The following LINGO2 variants were observed in gnomAD, a reference collection of about 807,000 sequenced individuals.
LINGO2 encodes leucine-rich repeat and immunoglobulin-like domain-containing nogo receptor-interacting protein 2.
In LINGO2, 14 loss-of-function variants were observed where a neutral mutation model predicts 30.6. That is an observed-to-expected ratio of 0.46 (90% CI 0.30 to 0.72). LINGO2 has a LOEUF of 0.72. Among genes scored for constraint, LINGO2 ranks in the 30% least tolerant of loss-of-function variants. The pLI, the probability that LINGO2 is intolerant of heterozygous loss-of-function variation, is 0.07. For missense variants in LINGO2, 729 were observed against 751.7 expected (o/e 0.97, Z 0.35); for synonymous variants, 317 against 288.5 (o/e 1.10, Z -1.00).
At chr9:29,138,157 A>G in the LINGO2 span, among the ~76,000 whole-genome samples, 1 of 152,034 alleles carries the variant, frequency 6.6e-6, no homozygotes, top group Non-Finnish European at 1.5e-5. Context: ...ACTATATGAA[A>G]ATAAAACTCT....
chr9:28,043,785 C>A (rs1587754843), intron 4 of LINGO2, among the ~76,000 whole-genome samples: 1 of 152,272 alleles, frequency 6.6e-6, no homozygotes, highest in East Asian at 1.9e-4. Context: ...ATTTCATCTA[C>A]AATGATTTTG....
chr9:28,518,680 C>T (rs1266974389), intron 1 of LINGO2, among the ~76,000 whole-genome samples: 1 of 152,128 alleles, frequency 6.6e-6, no homozygotes, highest in East Asian at 1.9e-4. Context: ...AATTTAATTG[C>T]TTTTTCAAAA....
At chr9:27,961,908 A>G (rs539200974) in intron 5 of LINGO2, among the ~76,000 whole-genome samples, 2 of 152,282 alleles carry the variant, frequency 1.3e-5, no homozygotes, top group East Asian at 3.9e-4. Flanking sequence ...TCTTTTGACA[A>G]CTGGGTGAGA....
At chr9:28,066,046 G>A (rs1334924212) in intron 4 of LINGO2, among the ~76,000 whole-genome samples, 1 of 151,872 alleles carries the variant, frequency 6.6e-6, no homozygotes, top group Admixed American at 6.6e-5. Context: ...CCAAAAAAAA[G>A]CACATTAGAG....
chr9:28,790,616 G>C, the LINGO2 span, among the ~76,000 whole-genome samples: 3 of 151,658 alleles, frequency 2.0e-5, no homozygotes, highest in African/African-American at 7.3e-5. Flanking sequence ...TTACAGGCGT[G>C]AGCCACCACG....
At chr9:28,362,759 AC>A (rs573187480) in intron 3 of LINGO2, among the ~76,000 whole-genome samples, 42 of 152,222 alleles carry the variant, frequency 2.8e-4, no homozygotes, top group African/African-American at 7.2e-4. Context: ...GTGAGCCACC[AC>A]GCCCGACCCA....
At chr9:28,491,950 T>C (rs1282253182) in intron 1 of LINGO2, among the ~76,000 whole-genome samples, 2 of 152,216 alleles carry the variant, frequency 1.3e-5, no homozygotes, top group Admixed American at 1.3e-4. Flanking sequence ...AAAGGGTGTA[T>C]TATTTGTATT....
intron 1 of LINGO2, among the ~76,000 whole-genome samples, chr9:28,537,882 A>AC (rs1821505515): frequency 6.6e-6 from 1 of 151,888 alleles, no homozygotes; most frequent in African/African-American, 2.4e-5. Context: ...AAAAAAAAAA[A>AC]AACTTAAACA....
rs568684622 is a variant in LINGO2 at position 28,524,855 on chromosome 9, A to G, written c.-364-48830T>C. The stretch of plus-strand genomic sequence containing the variant: ...ATGGAATTCAGAAATAAGCAAAGGG[A>G]TCTTTAAAAATAGGTAAAGAATATG... On this transcript the variant is annotated intron_variant, in intron 1 of 5. Coordinates refer to ENST00000379992, the Ensembl canonical transcript of LINGO2. Among the ~76,000 whole-genome samples, 31 of 152,302 alleles carry G rather than the reference A, an allele frequency of 2.0e-4. No individual in the cohort carries two copies. The South Asian group carries it at 6.2e-3, about 31-fold the overall frequency.
intron 4 of LINGO2, among the ~76,000 whole-genome samples, chr9:28,226,210 T>G (rs184024795): frequency 6.6e-6 from 1 of 152,180 alleles, no homozygotes; most frequent in Non-Finnish European, 1.5e-5. Context: ...AATCCAGAAT[T>G]TAAATAGTAC....
At chr9:29,049,082 T>C in the LINGO2 span, among the ~76,000 whole-genome samples, 1 of 152,130 alleles carries the variant, frequency 6.6e-6, no homozygotes, top group African/African-American at 2.4e-5. Flanking sequence ...AAGGGATTAA[T>C]AACCCAGAAT....
chr9:28,990,218 G>A, the LINGO2 span, among the ~76,000 whole-genome samples: 169 of 152,302 alleles, frequency 1.1e-3, no homozygotes, highest in South Asian at 3.5e-3. Context: ...CATCCGGCTC[G>A]GAGGGTCCTA....
At chr9:28,974,396 A>T in the LINGO2 span, among the ~76,000 whole-genome samples, 1 of 152,122 alleles carries the variant, frequency 6.6e-6, no homozygotes, top group African/African-American at 2.4e-5. Context: ...ACAGTGGAAG[A>T]CTCTGTCTCA....
chr9:28,650,561 G>A (rs2135969527), intron 1 of LINGO2, among the ~76,000 whole-genome samples: 1 of 152,240 alleles, frequency 6.6e-6, no homozygotes, highest in African/African-American at 2.4e-5. Flanking sequence ...CCTGTGGGAA[G>A]ATCAATGCCT....
At position 28,034,597 on chromosome 9, in the gene LINGO2, A is replaced by G. The variant is rs74789131; in HGVS notation, c.-86-22192T>C. Among the ~76,000 whole-genome samples, 21 of 152,276 alleles carry G rather than the reference A, an allele frequency of 1.4e-4. No individual in the cohort carries two copies. The East Asian group carries it at 3.9e-3, about 28-fold the overall frequency. On this transcript the variant is annotated intron_variant, in intron 4 of 5. Transcript: ENST00000379992. ...AGTCAGCCTAGAAAACGAGGATAATATCTCTTGGCTGTAGAACAAACTGAA... is the reference window on the plus strand; with the variant it reads ...AGTCAGCCTAGAAAACGAGGATAATGTCTCTTGGCTGTAGAACAAACTGAA...
chr9:28,666,054 G>C lies in LINGO2; in HGVS notation c.-365+4146C>G, dbSNP rs537917736. Among the ~76,000 whole-genome samples the C allele has an allele frequency of 8.6e-5, 13 of 151,996 alleles. No homozygotes were observed. In the Middle Eastern group the frequency reaches 0.01, roughly 119 times the overall value. ...TTACACACATGCACCACGACACCCG[G>C]CTAATTTTTGTATTTTTAGTAGAGA... On this transcript the variant is annotated intron_variant, in intron 1 of 5. Transcript: ENST00000379992.
At chr9:28,124,759 A>T (rs902541763) in intron 4 of LINGO2, among the ~76,000 whole-genome samples, 14 of 152,130 alleles carry the variant, frequency 9.2e-5, no homozygotes, top group Non-Finnish European at 1.0e-4. Flanking sequence ...TGTTGGGGAG[A>T]GATGGAATAA....
At chr9:28,283,980 A>G (rs546251928) in intron 4 of LINGO2, among the ~76,000 whole-genome samples, 2 of 152,292 alleles carry the variant, frequency 1.3e-5, no homozygotes, top group South Asian at 4.1e-4. Flanking sequence ...TTATAATACA[A>G]TGTTCCATTT....
the LINGO2 span, among the ~76,000 whole-genome samples, chr9:28,709,457 A>C: frequency 3.5e-4 from 54 of 152,150 alleles, no homozygotes; most frequent in Middle Eastern, 6.8e-3. Flanking sequence ...TTGTATGTTT[A>C]CTTTGGATGT....
Sources: allele counts gnomAD v4.1 joint callset (sites outside exome capture counted in the v4.1 genomes callset), GRCh38; gene constraint gnomAD v4.1.1; transcripts MANE v1.5; gene names NCBI Gene and HGNC (gene_info 2026-07-23, HGNC 2026-07-21).